The following KNL1 variants were observed in gnomAD, a reference collection of about 807,000 sequenced individuals.
The protein encoded by KNL1 is kinetochore scaffold 1, also known as outer kinetochore KNL1 complex subunit KNL1.
A neutral mutation model predicts 201.3 loss-of-function variants in KNL1; 66 were observed. The ratio of observed to expected loss-of-function variants is 0.33; its 90% CI spans 0.27 to 0.40. The LOEUF (loss-of-function observed/expected upper bound fraction) is 0.40, where lower values mean the gene tolerates loss of function less well. KNL1 is among the 10% of genes least tolerant of loss of function. The pLI, the probability that KNL1 is intolerant of heterozygous loss-of-function variation, is 1.00. For synonymous variants in KNL1, 895 were observed against 899.2 expected (o/e 1.00, Z 0.08); for missense variants, 2,815 against 2,690.5 (o/e 1.05, Z -1.02).
Position 40,650,577 on chromosome 15 carries a change from T to C in KNL1, c.6206T>C (p.Leu2069Pro). Residue 2069 changes from leucine (L) to proline (P), a missense_variant, in exon 19 of 26, where the codon CTT (leucine) becomes CCT (proline). Around this residue, in one of 3 missense-constraint regions of KNL1, gnomAD observed 334 missense variants for 362.6 expected, o/e 0.92. Transcript: ENST00000399668. ...LEQLKTEEEELQRNLLELEVQ... is the reference protein window; with the variant it reads ...LEQLKTEEEEPQRNLLELEVQ... ...CAGCTGAAAACTGAAGAAGAGGAGC[T>C]TCAAAGGTCAGCCTTCAATCCAAGT... is the stretch of plus-strand genomic sequence containing the variant. 6.4e-7 allele frequency: 1 copy of C among 1,560,620 alleles called. No homozygotes were observed. Among genetic ancestry groups the C allele is most frequent in the Non-Finnish European group, 8.6e-7 (1 of 1,160,026 alleles).
In KNL1 at chr15:40,645,574, G is replaced by T. The variant is rs1337915157; in HGVS notation, c.5890-82G>T. The T allele has an allele frequency of 4.7e-6, 3 of 636,832 alleles. No individual in the cohort carries two copies. In the African/African-American group the frequency reaches 5.6e-5, roughly 12 times the overall value. 39.4% of individuals were successfully genotyped at this position (636,832 alleles called of 1,614,324 possible). A position where few individuals can be genotyped will look rare whatever the true frequency, so the allele number is the denominator to read the frequency against. On this transcript the variant is annotated intron_variant, in intron 15 of 25. Coordinates refer to ENST00000399668, the MANE Select transcript of KNL1 (RefSeq NM_144508.5). ...TGACAAATATCCTGCCTTAGGATAG[G>T]CAAAGCCTAGCCTTCCTAGACCATT... is the stretch of plus-strand genomic sequence containing the variant.
intron 13 of KNL1, among the ~76,000 whole-genome samples, chr15:40,633,174 C>T (rs577968462): frequency 5.3e-5 from 8 of 152,118 alleles, no homozygotes; most frequent in Admixed American, 3.3e-4. Flanking sequence ...ACAAAAATTA[C>T]AAAAGTTAGC....
chr15:40,597,576 C>T (rs926398133), intron 1 of KNL1, among the ~76,000 whole-genome samples: 10 of 152,054 alleles, frequency 6.6e-5, no homozygotes, highest in African/African-American at 2.4e-4. Flanking sequence ...CACCAGGCCC[C>T]GGGAACCAGT....
At chr15:40,605,040 C>A in intron 2 of KNL1, 70 bp from the exon 3 acceptor site, 1 of 805,522 alleles carries the variant, frequency 1.2e-6, no homozygotes, top group South Asian at 1.4e-5. Flanking sequence ...GTAAGGGGTG[C>A]TGTGATGATG....
At chr15:40,652,248 A>G (rs1049002059) in intron 21 of KNL1, 143 bp downstream of exon 21, 1 of 436,092 alleles carries the variant, frequency 2.3e-6, no homozygotes, top group Non-Finnish European at 4.1e-6. Context: ...CACTTTATTG[A>G]TAGCAGAATT....
Position 40,621,236 on chromosome 15 carries a change from C to A in KNL1, c.972C>A (p.Asn324Lys). The change falls in exon 10 of 26, where the codon AAC (asparagine) becomes AAA (lysine). Residue 324 changes from asparagine to lysine, a missense_variant. Around this residue, in one of 3 missense-constraint regions of KNL1, gnomAD observed 2,464 missense variants for 2,291.7 expected, o/e 1.08. Transcript: ENST00000399668. ...ATGACTTTATGGACTTGACATTTAA[C>A]CACACTTTGCAGATCTTACCTGCAA... ...YGNDFMDLTF[N>K]HTLQILPATG... 1 of 1,613,090 alleles carries A rather than the reference C, an allele frequency of 6.2e-7. No individual in the cohort carries two copies. Among genetic ancestry groups the A allele is most frequent in the Non-Finnish European group, 8.5e-7 (1 of 1,179,560 alleles).
Position 40,662,822 on chromosome 15 carries a change from T to C in KNL1, c.*634T>C, listed in dbSNP as rs370407353. The stretch of plus-strand genomic sequence containing the variant: ...AAAAAATACGAAAGTTAGCCAGTCA[T>C]GGTGGCTTGCGCCTGTGGTCCCAGC... On this transcript the variant is annotated 3_prime_UTR_variant, in exon 26 of 26. Coordinates refer to ENST00000399668, the MANE Select transcript of KNL1 (RefSeq NM_144508.5). 27 of 175,040 alleles carry C rather than the reference T, an allele frequency of 1.5e-4. No individual in the cohort carries two copies. The East Asian group carries it at 2.6e-3, about 17-fold the overall frequency. The allele number at this position is 175,040 out of a possible 1,614,324, so 10.8% of individuals were successfully genotyped here.
chr15:40,622,184 A>C lies in KNL1; in HGVS notation c.1920A>C (p.Lys640Asn). The change falls in exon 10 of 26, where the codon AAA becomes AAC. Residue 640 changes from lysine to asparagine, a missense_variant. Lys to Asn is a moderately conservative substitution (Grantham distance 94, BLOSUM62 0). Coordinates refer to ENST00000399668, the MANE Select transcript of KNL1 (RefSeq NM_144508.5). ...AKNSLTDTWN[K>N]DKDWVLKILP... ...ACAGCTTAACCGACACCTGGAACAA[A>C]GACAAAGATTGGGTTTTGAAGATTT... 1 of 1,614,164 alleles carries C rather than the reference A, an allele frequency of 6.2e-7. No individual in the cohort carries two copies. Among genetic ancestry groups the C allele is most frequent in the Non-Finnish European group, 8.5e-7 (1 of 1,179,994 alleles).
intron 7 of KNL1, 55 bp from the exon 8 acceptor site, chr15:40,615,286 A>G (rs1430610898): frequency 1.9e-6 from 1 of 529,348 alleles, no homozygotes; most frequent in Non-Finnish European, 3.3e-6. Flanking sequence ...TGTTATTGAA[A>G]GATTCTTGGT....
chr15:40,659,536 A>G, intron 25 of KNL1, 75 bp downstream of exon 25: 4 of 1,406,236 alleles, frequency 2.8e-6, no homozygotes, highest in Non-Finnish European at 3.9e-6. Flanking sequence ...TCTGTTGCCC[A>G]GGCTGGAGTG....
Position 40,657,379 on chromosome 15 carries a change from G to A in KNL1, c.6619G>A (p.Val2207Met), listed in dbSNP as rs768614032. 3.7e-6 allele frequency: 6 copies of A among 1,606,644 alleles called. No individual in the cohort carries two copies. The highest frequency in any genetic ancestry group is 5.1e-6 in the Non-Finnish European group (6 of 1,173,242). The part of the protein sequence containing the change: ...PKMLEEFSLV[V>M]HHCRLLGEEI... ...GATGCTTGAAGAATTCTCACTGGTA[G>A]TGCACCATTGCAGACTCCTTGGAGA... Residue 2207 changes from valine to methionine, a missense_variant, in exon 24 of 26, where the codon GTG becomes ATG. Around this residue, in one of 3 missense-constraint regions of KNL1, gnomAD observed 334 missense variants for 362.6 expected, o/e 0.92. Coordinates refer to ENST00000399668, the MANE Select transcript of KNL1 (RefSeq NM_144508.5).
In KNL1 at chr15:40,641,021, T is replaced by C. The variant is rs750378619; in HGVS notation, c.5792T>C (p.Ile1931Thr). The change falls in exon 14 of 26, where the codon ATT becomes ACT. Residue 1931 changes from isoleucine to threonine, a missense_variant. Physicochemically the swap from Ile to Thr is moderately conservative, Grantham distance 89. Transcript: ENST00000399668. ...GATTGTGAGGCTCGTCGCCAAAAGA[T>C]TGAAGAGTATGAAAGCTTTAATTTT... Reference protein sequence around the residue: ...REDCEARRQKIEELKLSASNQ... With the variant: ...REDCEARRQKTEELKLSASNQ... The C allele has an allele frequency of 1.9e-6, 3 of 1,597,266 alleles. No homozygotes were observed. The highest frequency in any genetic ancestry group is 3.4e-5 in the Admixed American group (2 of 58,926).
chr15:40,612,511 C>CTGT (rs769731621), intron 7 of KNL1, among the ~76,000 whole-genome samples: 4 of 149,902 alleles, frequency 2.7e-5, no homozygotes, highest in Non-Finnish European at 5.9e-5. Flanking sequence ...GGTTTTTTTG[C>CTGT]TGTTGTTGTT....
At chr15:40,639,157 TC>T (rs1445511613) in intron 13 of KNL1, among the ~76,000 whole-genome samples, 1 of 135,284 alleles carries the variant, frequency 7.4e-6, no homozygotes, top group Non-Finnish European at 1.7e-5. Context: ...GCCTTAAAAA[TC>T]CTTTTTTTTT....
In KNL1 at chr15:40,624,199, C is replaced by T; in HGVS notation, c.3935C>T (p.Thr1312Ile). The T allele has an allele frequency of 6.2e-7, 1 of 1,613,862 alleles. No individual in the cohort carries two copies. Among genetic ancestry groups the T allele is most frequent in the Non-Finnish European group, 8.5e-7 (1 of 1,179,900 alleles). The stretch of plus-strand genomic sequence containing the variant: ...TGTTTACCAAATGTTATTTCCTGTA[C>T]TGATAATTTGGAGGGTAGTGCCATG... ...YSCLPNVISC[T>I]DNLEGSAMLL... The change falls in exon 10 of 26, where the codon ACT becomes ATT. Residue 1312 changes from threonine (T) to isoleucine (I), a missense_variant. By Grantham distance (89) the Thr-to-Ile change is moderately conservative (BLOSUM62 -1). Around this residue, in one of 3 missense-constraint regions of KNL1, gnomAD observed 2,464 missense variants for 2,291.7 expected, o/e 1.08. Coordinates refer to ENST00000399668, the MANE Select transcript of KNL1 (RefSeq NM_144508.5).
Position 40,645,144 on chromosome 15 carries a change from A to C in KNL1, c.5889+57A>C. On this transcript the variant is annotated intron_variant, in intron 15 of 25. Coordinates refer to ENST00000399668, the MANE Select transcript of KNL1 (RefSeq NM_144508.5). Reference sequence around the variant, plus strand: ...AGTGAAGACATTCTGAACGATGTTTATTGTGAAATGAGTAACTGTTACTTG... The same window carrying C: ...AGTGAAGACATTCTGAACGATGTTTCTTGTGAAATGAGTAACTGTTACTTG... 3.4e-6 allele frequency: 4 copies of C among 1,166,378 alleles called. No homozygotes were observed. In the South Asian group the frequency reaches 5.0e-5, roughly 15 times the overall value. The allele number at this position is 1,166,378 out of a possible 1,614,324, so 72.3% of individuals were successfully genotyped here.
intron 10 of KNL1, among the ~76,000 whole-genome samples, chr15:40,626,939 G>C (rs1158307814): frequency 6.6e-6 from 1 of 152,116 alleles, no homozygotes; most frequent in Non-Finnish European, 1.5e-5. Context: ...CTGTTGCCCA[G>C]GCTGGAGCAC....
At chr15:40,603,588 C>T (rs541318912) in intron 2 of KNL1, among the ~76,000 whole-genome samples, 3 of 152,284 alleles carry the variant, frequency 2.0e-5, no homozygotes, top group African/African-American at 4.8e-5. Flanking sequence ...AAGACACCCC[C>T]GCCCCCCCAT....
intron 21 of KNL1, among the ~76,000 whole-genome samples, chr15:40,653,542 AAT>A (rs1893633575): frequency 6.6e-6 from 1 of 152,150 alleles, no homozygotes; most frequent in African/African-American, 2.4e-5. Context: ...CTGTTCTGTC[AAT>A]AATCATCTCT....
Sources: gnomAD v4.1 joint callset for allele counts (sites outside exome capture counted in the v4.1 genomes callset) on GRCh38, gnomAD v4.1.1 for gene constraint, gnomAD v4.1.1 regional missense constraint, MANE v1.5 for transcripts, NCBI Gene and HGNC (gene_info 2026-07-23, HGNC 2026-07-21) for gene names.